Variants in NLRP7 observed in about 807,000 individuals in gnomAD.
NLRP7 encodes NLR family pyrin domain containing 7.
Under a neutral mutation model 85.5 loss-of-function variants are expected in NLRP7, and 72 were observed. The ratio of observed to expected loss-of-function variants is 0.84; its 90% confidence interval spans 0.70 to 1.02. The LOEUF (loss-of-function observed/expected upper bound fraction) is 1.02. Ranked by LOEUF, NLRP7 falls within the 50% of genes least tolerant of loss-of-function variation. The pLI is 0.00. For missense variants in NLRP7, 1,243 were observed against 1,219.5 expected (o/e 1.02, Z -0.29); for synonymous variants, 550 against 505.2 (o/e 1.09, Z -1.19).
intron 8 of NLRP7, 114 bp from the exon 9 acceptor site, chr19:54,930,780 C>T: frequency 2.3e-6 from 2 of 882,124 alleles, no homozygotes; most frequent in Non-Finnish European, 3.7e-6. Flanking sequence ...CAGTGCTGCA[C>T]TCTTGGCTCA....
intron 8 of NLRP7, among the ~76,000 whole-genome samples, chr19:54,931,844 T>TAAAA (rs10647956): frequency 4.6e-5 from 5 of 108,344 alleles, no homozygotes; most frequent in African/African-American, 1.9e-4. Flanking sequence ...GAGAGACTGT[T>TAAAA]AAAAAAAAAA....
chr19:54,956,132 AAAGGAAGG>A (rs562888262), intron 1 of NLRP7, among the ~76,000 whole-genome samples: 5,452 of 150,846 alleles, frequency 0.036, 319 homozygotes, highest in African/African-American at 0.13. Context: ...AGAGGGAGAG[AAAGGAAGG>A]AAGGAGGGAA....
In NLRP7 at chr19:54,930,442, A is replaced by G. The variant is rs104895518; in HGVS notation, c.2810+57T>C. On this transcript the variant is annotated intron_variant, in intron 9 of 9. Coordinates refer to ENST00000340844, the Ensembl canonical transcript of NLRP7. The stretch of plus-strand genomic sequence containing the variant: ...ACCCCACTGCACTCCAGGCTGGGGG[A>G]CAGAGCAAGACCCTGTCTCAAAAAA... The G allele has an allele frequency of 4.9e-3, 6,156 of 1,251,676 alleles. 204 individuals carry two copies. The African/African-American group carries it at 0.07, about 14-fold the overall frequency. The allele number at this position is 1,251,676 out of a possible 1,614,324, so 77.5% of individuals were successfully genotyped here. A position where few individuals can be genotyped will look rare whatever the true frequency, so the allele number is the denominator to read the frequency against.
At chr19:54,926,518 G>A (rs269925) in intron 9 of NLRP7, among the ~76,000 whole-genome samples, 84,318 of 151,876 alleles carry the variant, frequency 0.56, 23,650 homozygotes, top group East Asian at 0.72. Flanking sequence ...AGTGGCTCAC[G>A]CCTGTAATCC....
At chr19:54,954,123 T>C (rs1176050455) in intron 1 of NLRP7, among the ~76,000 whole-genome samples, 1 of 149,458 alleles carries the variant, frequency 6.7e-6, no homozygotes, top group Non-Finnish European at 1.5e-5. Flanking sequence ...AGCAGCCCCA[T>C]GACAGTTTAC....
At position 54,927,572 on chromosome 19, in the gene NLRP7, AAAAC is replaced by A. The variant is rs104895515; in HGVS notation, c.2810+2923_2810+2926del. ...CTCCATCTCAAAAAAACAAAAACAA[AAAAC>A]AAAACAAAACAAAACAAAAAACCCA... On this transcript the variant is annotated intron_variant, in intron 9 of 9. Transcript: ENST00000340844. 0.56 allele frequency: 899,371 copies of A among 1,607,956 alleles called. 253,779 individuals carry two copies. Among genetic ancestry groups the A allele is most frequent in the East Asian group, 0.72 (32,134 of 44,770 alleles).
chr19:54,936,446 A>T lies in NLRP7; in HGVS notation c.2130-15T>A, dbSNP rs1421520779. 1 of 1,609,014 alleles carries T rather than the reference A, an allele frequency of 6.2e-7. No homozygotes were observed. ...CGTTTTTAATCCTAGGGAAAAGCAG[A>T]AGAGATTCCACTTGGAGTGATTAAT... On this transcript the variant is annotated splice_polypyrimidine_tract_variant and intron_variant, in intron 5 of 9. Transcript: ENST00000340844.
chr19:54,936,353 C>G, exon 6 of NLRP7: 1 of 1,614,086 alleles, frequency 6.2e-7, no homozygotes, highest in Non-Finnish European at 8.5e-7. Flanking sequence ...CTGCCAGGGT[C>G]AGGTGCGTGA....
exon 4 of NLRP7, chr19:54,940,248 A>T: frequency 6.2e-7 from 1 of 1,614,128 alleles, no homozygotes; most frequent in Admixed American, 1.7e-5. Flanking sequence ...TCCAGCATAC[A>T]CTTTTTGGCC....
chr19:54,962,551 A>G (rs775842), intron 1 of NLRP7, among the ~76,000 whole-genome samples: 37,364 of 146,500 alleles, frequency 0.26, 4,839 homozygotes, highest in East Asian at 0.39. Context: ...GATTACAGGC[A>G]TGAATCACCA....
intron 6 of NLRP7, among the ~76,000 whole-genome samples, chr19:54,935,283 G>T (rs930096401): frequency 7.2e-5 from 11 of 151,982 alleles, no homozygotes; most frequent in Non-Finnish European, 1.6e-4. Context: ...AGGCTGGAGT[G>T]CAGTGGCATG....
chr19:54,930,197 T>C (rs368138665), intron 9 of NLRP7, among the ~76,000 whole-genome samples: 13 of 151,652 alleles, frequency 8.6e-5, no homozygotes, highest in Admixed American at 7.9e-4. Flanking sequence ...CCAGGCATGA[T>C]GGCTCATGCC....
chr19:54,933,981 C>T (rs537685523), intron 7 of NLRP7, among the ~76,000 whole-genome samples: 50 of 152,258 alleles, frequency 3.3e-4, no homozygotes, highest in Admixed American at 2.0e-3. Context: ...CTCGCTCTGT[C>T]GCCCAGGCTG....
exon 4 of NLRP7, chr19:54,939,767 C>A: frequency 6.2e-7 from 1 of 1,613,816 alleles, no homozygotes; most frequent in South Asian, 1.1e-5. Context: ...CGCGTTGCTC[C>A]TCATTAGCTC....
chr19:54,939,401 T>C (rs1301439812), exon 4 of NLRP7: 4 of 1,614,036 alleles, frequency 2.5e-6, no homozygotes, highest in Middle Eastern at 3.3e-4. Flanking sequence ...AGTGAGAAAC[T>C]GCTGGAAGCT....
intron 1 of NLRP7, among the ~76,000 whole-genome samples, chr19:54,964,606 T>A (rs1485564022): frequency 6.6e-6 from 1 of 151,836 alleles, no homozygotes; most frequent in East Asian, 2.0e-4. Flanking sequence ...GCAGATCACC[T>A]GAGGTCAGGA....
intron 5 of NLRP7, among the ~76,000 whole-genome samples, chr19:54,936,850 G>A (rs2068950140): frequency 6.6e-6 from 1 of 152,100 alleles, no homozygotes; most frequent in African/African-American, 2.4e-5. Flanking sequence ...AGGAGGCAGA[G>A]GTTGCAGTGA....
At chr19:54,938,384 C>T (rs886312751) in intron 4 of NLRP7, 143 bp from the exon 5 acceptor site, 2 of 710,260 alleles carry the variant, frequency 2.8e-6, no homozygotes, top group African/African-American at 3.5e-5. Context: ...TATTGCATCA[C>T]ATGCTTTGCT....
intron 3 of NLRP7, 24 bp from the exon 4 acceptor site, chr19:54,940,490 G>A (rs1347868911): frequency 1.9e-6 from 3 of 1,611,814 alleles, no homozygotes; most frequent in Non-Finnish European, 2.5e-6. Context: ...CCATAGGACA[G>A]TTGAGGTTGA....
Sources: gnomAD v4.1 joint callset for allele counts (sites outside exome capture counted in the v4.1 genomes callset) on GRCh38, gnomAD v4.1.1 for gene constraint, MANE v1.5 for transcripts, NCBI Gene and HGNC (gene_info 2026-07-23, HGNC 2026-07-21) for gene names.